Variants in SGCB observed in about 807,000 individuals in gnomAD.
The protein encoded by SGCB is beta-sarcoglycan.
In SGCB, 25 loss-of-function variants were observed where a neutral mutation model predicts 27.3. The ratio of observed to expected loss-of-function variants is 0.92; its 90% CI spans 0.67 to 1.28. The LOEUF (loss-of-function observed/expected upper bound fraction) is 1.28, where lower values mean the gene tolerates loss of function less well. Ranked by LOEUF, SGCB falls within the 50% of genes most tolerant of loss-of-function variation. The pLI is 0.00. For missense variants in SGCB, 436 were observed against 402.1 expected, an observed-to-expected ratio of 1.08 and a Z score of -0.72; for synonymous variants, 147 against 133.5, an observed-to-expected ratio of 1.10 and a Z score of -0.70.
intron 1 of SGCB, among the ~76,000 whole-genome samples, chr4:52,035,165 G>A (rs1397676741): frequency 6.6e-6 from 1 of 152,160 alleles, no homozygotes; most frequent in Non-Finnish European, 1.5e-5. Flanking sequence ...ATTTCTTAAA[G>A]CTCTGAGAAA....
chr4:52,036,783 T>A (rs1737404521), intron 1 of SGCB, among the ~76,000 whole-genome samples: 1 of 152,180 alleles, frequency 6.6e-6, no homozygotes, highest in South Asian at 2.1e-4. Context: ...ACTGTTTAAA[T>A]CTCAAGCCCA....
In SGCB at chr4:52,024,153, C is replaced by G; in HGVS notation, c.761G>C (p.Ser254Thr). The change falls in exon 6 of 6, where the codon AGT becomes ACT. Residue 254 changes from serine to threonine, a missense_variant. Ser to Thr is a moderately conservative substitution (Grantham distance 58). Transcript: ENST00000381431. ...GGNMELKAENSIILNGSVMVS... is the reference protein window; with the variant it reads ...GGNMELKAENTIILNGSVMVS... ...CATCACAGATCCATTTAGGATGATA[C>G]TGTTTTCCTATTAGGAGAATAGTAA... 6.2e-7 allele frequency: 1 copy of G among 1,613,010 alleles called. No homozygotes were observed. The highest frequency in any genetic ancestry group is 8.5e-7 in the Non-Finnish European group (1 of 1,179,272).
Position 52,020,968 on chromosome 4 carries a change from C to A in SGCB, c.*2989G>T, listed in dbSNP as rs1736933807. The stretch of plus-strand genomic sequence containing the variant: ...CATTCAAATCTAGGTAGAACTTCCA[C>A]CTTTCATCATCAAAATTATCACACA... On this transcript the variant is annotated 3_prime_UTR_variant, in exon 6 of 6. Transcript: ENST00000381431. 1 of 152,246 alleles carries A rather than the reference C, an allele frequency of 6.6e-6. No individual in the cohort carries two copies. Among genetic ancestry groups the A allele is most frequent in the African/African-American group, 2.4e-5 (1 of 41,434 alleles). 9.4% of individuals were successfully genotyped at this position (152,246 alleles called of 1,614,324 possible).
At chr4:52,028,990 T>C (rs1737181623) in intron 3 of SGCB, 69 bp from the exon 4 acceptor site, 1 of 1,196,578 alleles carries the variant, frequency 8.4e-7, no homozygotes, top group Admixed American at 2.0e-5. Context: ...CTGAACAATA[T>C]ATTTTAAAAA....
At chr4:52,024,495 C>G (rs1171805626) in intron 5 of SGCB, among the ~76,000 whole-genome samples, 2 of 152,004 alleles carry the variant, frequency 1.3e-5, no homozygotes, top group Non-Finnish European at 2.9e-5. Context: ...AGAACTATAA[C>G]AAAGGTACTG....
Position 52,033,659 on chromosome 4 carries a change from ATAATGGAACAGC to A in SGCB, c.34-31_34-20del. On this transcript the variant is annotated intron_variant, in intron 1 of 5. Coordinates refer to ENST00000381431, the MANE Select transcript of SGCB (RefSeq NM_000232.5). Reference sequence around the variant, plus strand: ...AACTTTGCTAAAAATGAAATACAACATAATGGAACAGCTATACCCTCTCGTTTTGGTGCATTT... The same window carrying A: ...AACTTTGCTAAAAATGAAATACAACATATACCCTCTCGTTTTGGTGCATTT... 1 of 1,568,876 alleles carries A rather than the reference ATAATGGAACAGC, an allele frequency of 6.4e-7. No individual in the cohort carries two copies.
At chr4:52,030,682 T>C (rs1737223559) in intron 2 of SGCB, among the ~76,000 whole-genome samples, 2 of 152,210 alleles carry the variant, frequency 1.3e-5, no homozygotes, top group South Asian at 2.1e-4. Context: ...TGGACTGGTC[T>C]GTATGGGCCC....
chr4:52,028,499 G>A (rs1737166594), intron 4 of SGCB, among the ~76,000 whole-genome samples: 1 of 152,116 alleles, frequency 6.6e-6, no homozygotes, highest in Admixed American at 6.5e-5. Flanking sequence ...AGCCGGGCAT[G>A]GTGGCGCGCG....
chr4:52,030,007 T>C, intron 2 of SGCB, 144 bp from the exon 3 acceptor site: 1 of 683,250 alleles, frequency 1.5e-6, no homozygotes, highest in Non-Finnish European at 2.6e-6. Flanking sequence ...AATTTTCCAC[T>C]TATAAACAAA....
intron 5 of SGCB, among the ~76,000 whole-genome samples, chr4:52,026,056 G>A (rs1737084578): frequency 6.6e-6 from 1 of 152,102 alleles, no homozygotes; most frequent in Non-Finnish European, 1.5e-5. Context: ...AAATTTGGGA[G>A]GCATCGGCTT....
rs770006763 is a variant in SGCB at position 52,021,384 on chromosome 4, C to A, written c.*2573G>T. 2.0e-5 allele frequency: 3 copies of A among 152,504 alleles called. No homozygotes were observed. Among genetic ancestry groups the A allele is most frequent in the South Asian group, 2.1e-4 (1 of 4,828 alleles). The allele number at this position is 152,504 out of a possible 1,614,324, so 9.4% of individuals were successfully genotyped here. A position where few individuals can be genotyped will look rare whatever the true frequency, so the allele number is the denominator to read the frequency against. ...TGTGGATAAAAATAAGCCGGCCAGG[C>A]GTGGTGGCTCACACCTGTAATCCCA... is the stretch of plus-strand genomic sequence containing the variant. On this transcript the variant is annotated 3_prime_UTR_variant, in exon 6 of 6. Coordinates refer to ENST00000381431, the MANE Select transcript of SGCB (RefSeq NM_000232.5).
At chr4:52,029,530 T>A (rs374838363) in intron 3 of SGCB, 148 bp downstream of exon 3, 2 of 526,752 alleles carry the variant, frequency 3.8e-6, no homozygotes, top group South Asian at 5.2e-5. Flanking sequence ...GTATTCACTA[T>A]ATTCATACAT....
chr4:52,034,056 G>A (rs1737319269), intron 1 of SGCB, among the ~76,000 whole-genome samples: 1 of 151,998 alleles, frequency 6.6e-6, no homozygotes, highest in East Asian at 1.9e-4. Flanking sequence ...TTGAGGCCAG[G>A]CGCGGTGGCT....
At chr4:52,036,600 G>C (rs555364090) in intron 1 of SGCB, among the ~76,000 whole-genome samples, 1 of 152,316 alleles carries the variant, frequency 6.6e-6, no homozygotes, top group African/African-American at 2.4e-5. Flanking sequence ...ATGAGGTACT[G>C]ACTGAGGTTT....
intron 1 of SGCB, among the ~76,000 whole-genome samples, chr4:52,035,012 A>G (rs890669425): frequency 6.6e-6 from 1 of 152,176 alleles, no homozygotes; most frequent in Non-Finnish European, 1.5e-5. Flanking sequence ...GGAATCCTCC[A>G]TTTTTTAAGA....
chr4:52,024,753 G>C (rs187859313), intron 5 of SGCB, among the ~76,000 whole-genome samples: 10 of 144,694 alleles, frequency 6.9e-5, no homozygotes, highest in Admixed American at 1.5e-4. Flanking sequence ...GCGTGAACCC[G>C]GGAGGCGGAG....
Position 52,022,687 on chromosome 4 carries a change from C to T in SGCB, c.*1270G>A, listed in dbSNP as rs932547472. The T allele has an allele frequency of 6.6e-6, 1 of 152,214 alleles. No individual in the cohort carries two copies. The allele number at this position is 152,214 out of a possible 1,614,324, so 9.4% of individuals were successfully genotyped here. ...ACTAGGCCATGCCTGGCCCAAAGAA[C>T]TTGTTTGGGTCTATGGCCTCCCCAC... On this transcript the variant is annotated 3_prime_UTR_variant, in exon 6 of 6. Coordinates refer to ENST00000381431, the MANE Select transcript of SGCB (RefSeq NM_000232.5).
chr4:52,028,705 G>C, intron 4 of SGCB, 25 bp downstream of exon 4: 1 of 1,522,074 alleles, frequency 6.6e-7, no homozygotes, highest in Non-Finnish European at 9.1e-7. Context: ...TCTCCCATTA[G>C]TAAAACAAAG....
intron 4 of SGCB, 96 bp from the exon 5 acceptor site, chr4:52,028,195 T>C: frequency 3.1e-6 from 3 of 956,788 alleles, no homozygotes; most frequent in East Asian, 2.5e-5. Context: ...TCATGAGAGA[T>C]GAAAGTCAAA....
Sources: gnomAD v4.1 joint callset for allele counts (sites outside exome capture counted in the v4.1 genomes callset) on GRCh38, gnomAD v4.1.1 for gene constraint, MANE v1.5 for transcripts, NCBI Gene and HGNC (gene_info 2026-07-23, HGNC 2026-07-21) for gene names.